Variants in FRMD3 observed in about 807,000 individuals in gnomAD.
FRMD3 encodes the protein FERM domain containing 3.
Under a neutral mutation model 70.2 loss-of-function variants are expected in FRMD3, and 33 were observed. The ratio of observed to expected loss-of-function variants is 0.47; its 90% CI spans 0.36 to 0.63. The LOEUF (loss-of-function observed/expected upper bound fraction) is 0.63. Ranked by LOEUF, FRMD3 falls within the 20% of genes least tolerant of loss-of-function variation. The pLI is 0.00. For missense variants in FRMD3, 632 were observed against 711.4 expected (o/e 0.89, Z 1.27); for synonymous variants, 279 against 255.9 (o/e 1.09, Z -0.86).
intron 1 of FRMD3, among the ~76,000 whole-genome samples, chr9:83,454,472 T>C (rs1827760532): frequency 6.6e-6 from 1 of 152,232 alleles, no homozygotes; most frequent in Admixed American, 6.5e-5. Context: ...AAGGGGGCCA[T>C]TGAGTGTGAC....
intron 3 of FRMD3, among the ~76,000 whole-genome samples, chr9:83,350,101 GACAA>G (rs1554691373): frequency 6.6e-6 from 1 of 152,002 alleles, no homozygotes; most frequent in Non-Finnish European, 1.5e-5. Flanking sequence ...CACCCCTTGT[GACAA>G]ACAAATTGCA....
intron 1 of FRMD3, among the ~76,000 whole-genome samples, chr9:83,424,500 G>A (rs999983350): frequency 6.6e-6 from 1 of 152,188 alleles, no homozygotes; most frequent in African/African-American, 2.4e-5. Context: ...AGCAGCCCTT[G>A]TACATTCGGA....
chr9:83,388,413 C>G (rs144352192), intron 2 of FRMD3, among the ~76,000 whole-genome samples: 1 of 152,166 alleles, frequency 6.6e-6, no homozygotes, highest in African/African-American at 2.4e-5. Flanking sequence ...TCCAGGTGAC[C>G]CCTTCACACA....
At chr9:83,376,940 C>T (rs768957953) in intron 2 of FRMD3, among the ~76,000 whole-genome samples, 2 of 133,326 alleles carry the variant, frequency 1.5e-5, no homozygotes, top group African/African-American at 2.8e-5. Context: ...AACCGGCACC[C>T]GTTATTAAGA....
At chr9:83,307,259 G>T (rs1036371349) in intron 10 of FRMD3, among the ~76,000 whole-genome samples, 5 of 152,214 alleles carry the variant, frequency 3.3e-5, no homozygotes, top group African/African-American at 1.2e-4. Flanking sequence ...TGAAAACAAT[G>T]TGTCAGGTCC....
intron 1 of FRMD3, among the ~76,000 whole-genome samples, chr9:83,437,976 G>C (rs575310943): frequency 6.6e-6 from 1 of 152,082 alleles, no homozygotes; most frequent in Non-Finnish European, 1.5e-5. Context: ...GGGCACGTGC[G>C]GGAAACACAC....
the FRMD3 span, among the ~76,000 whole-genome samples, chr9:83,549,701 T>C: frequency 6.6e-6 from 1 of 152,214 alleles, no homozygotes; most frequent in Non-Finnish European, 1.5e-5. Flanking sequence ...AAATGATCAG[T>C]GATATCGAGC....
At chr9:83,554,766 G>A in the FRMD3 span, among the ~76,000 whole-genome samples, 1 of 152,202 alleles carries the variant, frequency 6.6e-6, no homozygotes, top group African/African-American at 2.4e-5. Flanking sequence ...TACTGGCTTG[G>A]TAGCTCTGGT....
intron 3 of FRMD3, among the ~76,000 whole-genome samples, chr9:83,356,897 C>A (rs370971662): frequency 3.2e-4 from 49 of 151,778 alleles, no homozygotes; most frequent in Admixed American, 5.9e-4. Flanking sequence ...CCACCCCCAA[C>A]CCTTTGTCCC....
At chr9:83,457,861 C>T (rs1429793492) in intron 1 of FRMD3, among the ~76,000 whole-genome samples, 1 of 151,962 alleles carries the variant, frequency 6.6e-6, no homozygotes, top group Non-Finnish European at 1.5e-5. Flanking sequence ...AATCACTTCA[C>T]CATGTATACA....
intron 1 of FRMD3, among the ~76,000 whole-genome samples, chr9:83,526,597 C>T (rs1427387359): frequency 6.6e-6 from 1 of 152,190 alleles, no homozygotes; most frequent in Non-Finnish European, 1.5e-5. Flanking sequence ...CTTGGTGCCT[C>T]CTCTTAGTCC....
intron 5 of FRMD3, among the ~76,000 whole-genome samples, chr9:83,336,160 TA>T (rs1226379553): frequency 6.6e-6 from 1 of 152,098 alleles, no homozygotes; most frequent in Non-Finnish European, 1.5e-5. Context: ...ATTGTATACT[TA>T]AAAATCCCTG....
intron 1 of FRMD3, among the ~76,000 whole-genome samples, chr9:83,513,536 G>A (rs981228277): frequency 6.6e-6 from 1 of 152,194 alleles, no homozygotes; most frequent in African/African-American, 2.4e-5. Flanking sequence ...AGTTTGAAGA[G>A]TTAACTTCCT....
At chr9:83,285,750 G>A (rs960255226) in intron 13 of FRMD3, among the ~76,000 whole-genome samples, 10 of 152,170 alleles carry the variant, frequency 6.6e-5, no homozygotes, top group Non-Finnish European at 1.3e-4. Context: ...GCTCCATTTT[G>A]CTTGTGAATT....
chr9:83,297,747 T>G (rs1834732760), intron 12 of FRMD3: 4 of 471,698 alleles, frequency 8.5e-6, no homozygotes, highest in Non-Finnish European at 1.8e-5. Flanking sequence ...AGCCTGGTTT[T>G]GCAGACTTTC....
chr9:83,380,934 T>C (rs75852306), intron 2 of FRMD3, among the ~76,000 whole-genome samples: 1,530 of 152,284 alleles, frequency 0.01, 29 homozygotes, highest in African/African-American at 0.034. Flanking sequence ...GCAATTCCCA[T>C]GACGACCCTA....
chr9:83,479,306 A>C (rs1475121113), intron 1 of FRMD3, among the ~76,000 whole-genome samples: 1 of 119,010 alleles, frequency 8.4e-6, no homozygotes, highest in African/African-American at 3.2e-5. Context: ...AAGAAGAAGG[A>C]GAAGGAGAAG....
chr9:83,286,166 G>T (rs1327997492), intron 13 of FRMD3, among the ~76,000 whole-genome samples: 1 of 152,142 alleles, frequency 6.6e-6, no homozygotes, highest in Non-Finnish European at 1.5e-5. Flanking sequence ...TGATAAATGG[G>T]TGGTCATGAC....
chr9:83,521,890 CA>C (rs1280266358), intron 1 of FRMD3, among the ~76,000 whole-genome samples: 1 of 152,236 alleles, frequency 6.6e-6, no homozygotes, highest in Admixed American at 6.5e-5. Context: ...CACATTTCCC[CA>C]TTTATTAGCC....
Sources: allele counts gnomAD v4.1 joint callset (sites outside exome capture counted in the v4.1 genomes callset), GRCh38; gene constraint gnomAD v4.1.1; transcripts MANE v1.5; gene names NCBI Gene and HGNC (gene_info 2026-07-23, HGNC 2026-07-21).